The following EPHA6 variants were observed in gnomAD, a reference collection of about 807,000 sequenced individuals.
EPHA6 encodes the protein EPH receptor A6, also known as ephrin type-A receptor 6.
Under a neutral mutation model 112.0 loss-of-function variants are expected in EPHA6, and 50 were observed. The ratio of observed to expected loss-of-function variants is 0.45; its 90% CI spans 0.36 to 0.56. The LOEUF is 0.56. EPHA6 is among the 20% of genes least tolerant of loss of function. The pLI is 0.00. For missense variants in EPHA6, 1,280 were observed against 1,417.4 expected (o/e 0.90, Z 1.56); for synonymous variants, 529 against 490.7 (o/e 1.08, Z -1.03).
intron 2 of EPHA6, among the ~76,000 whole-genome samples, chr3:96,903,528 C>T (rs2038737986): frequency 6.6e-6 from 1 of 152,082 alleles, no homozygotes; most frequent in Non-Finnish European, 1.5e-5. Context: ...GTTTCTGTTA[C>T]TTTAAACTTT....
intron 11 of EPHA6, among the ~76,000 whole-genome samples, chr3:97,543,641 G>T (rs1277455373): frequency 6.6e-6 from 1 of 152,060 alleles, no homozygotes; most frequent in Non-Finnish European, 1.5e-5. Context: ...GAAAGTCGTT[G>T]GTAGCTTGAT....
chr3:97,525,427 G>A (rs1445721541), intron 10 of EPHA6, among the ~76,000 whole-genome samples: 2 of 151,990 alleles, frequency 1.3e-5, no homozygotes, highest in East Asian at 1.9e-4. Context: ...ATCTCTATTT[G>A]TTGAATTTCT....
intron 3 of EPHA6, among the ~76,000 whole-genome samples, chr3:97,010,288 A>G (rs999714260): frequency 1.3e-5 from 2 of 151,952 alleles, no homozygotes; most frequent in African/African-American, 2.4e-5. Context: ...CTGATTGCCA[A>G]CCCCAACCCA....
In EPHA6 at chr3:97,498,533, A is replaced by G. The variant is rs147763689; in HGVS notation, c.2200+14474A>G. On this transcript the variant is annotated intron_variant, in intron 10 of 17. Coordinates refer to ENST00000389672, the MANE Select transcript of EPHA6 (RefSeq NM_001080448.3). ...TTAAATTTTATTTTTAAAACAGTAAATTTGAAAGTACAATTAGTGTGAATG... is the reference window on the plus strand; with the variant it reads ...TTAAATTTTATTTTTAAAACAGTAAGTTTGAAAGTACAATTAGTGTGAATG... Among the ~76,000 whole-genome samples the G allele has an allele frequency of 6.5e-3, 996 of 152,128 alleles. 12 individuals carry two copies. The highest frequency in any genetic ancestry group is 0.022 in the African/African-American group (916 of 41,492).
chr3:97,604,855 T>A (rs1364769566), intron 12 of EPHA6, among the ~76,000 whole-genome samples: 1 of 151,664 alleles, frequency 6.6e-6, no homozygotes, highest in Admixed American at 6.6e-5. Context: ...GTAAATCTTT[T>A]GTAGGTCTGC....
chr3:97,541,272 T>A (rs550185482), intron 11 of EPHA6, among the ~76,000 whole-genome samples: 41 of 152,340 alleles, frequency 2.7e-4, no homozygotes, highest in African/African-American at 9.4e-4. Flanking sequence ...TTCATTTTGG[T>A]ATAATTTCAG....
chr3:97,402,198 T>C (rs1426666405), intron 5 of EPHA6, among the ~76,000 whole-genome samples: 1 of 152,060 alleles, frequency 6.6e-6, no homozygotes, highest in African/African-American at 2.4e-5. Context: ...TTAAATCCAA[T>C]ATTACTTTTT....
At chr3:97,551,652 C>A (rs750089486) in intron 11 of EPHA6, among the ~76,000 whole-genome samples, 4 of 152,086 alleles carry the variant, frequency 2.6e-5, no homozygotes, top group Admixed American at 2.6e-4. Context: ...ATAAATACAA[C>A]GAGCTATAGC....
At chr3:97,436,728 A>G (rs2107258137) in intron 6 of EPHA6, among the ~76,000 whole-genome samples, 1 of 152,270 alleles carries the variant, frequency 6.6e-6, no homozygotes, top group African/African-American at 2.4e-5. Context: ...TTTCTTATTT[A>G]CTTTAATTCT....
intron 12 of EPHA6, among the ~76,000 whole-genome samples, chr3:97,604,851 C>A (rs1430646643): frequency 6.6e-6 from 1 of 151,480 alleles, no homozygotes; most frequent in Non-Finnish European, 1.5e-5. Flanking sequence ...TTCAGTAAAT[C>A]TTTTGTAGGT....
intron 5 of EPHA6, among the ~76,000 whole-genome samples, chr3:97,401,900 C>T (rs1176837425): frequency 4.0e-5 from 6 of 151,874 alleles, no homozygotes; most frequent in Admixed American, 1.3e-4. Context: ...TGTGTAATTT[C>T]TTTCCTGATT....
At chr3:97,323,162 A>G (rs1030657473) in intron 5 of EPHA6, among the ~76,000 whole-genome samples, 1 of 151,938 alleles carries the variant, frequency 6.6e-6, no homozygotes, top group African/African-American at 2.4e-5. Flanking sequence ...CTCTGACAAG[A>G]TATATGTTTC....
intron 5 of EPHA6, among the ~76,000 whole-genome samples, chr3:97,271,389 C>T (rs988259944): frequency 3.3e-5 from 5 of 152,330 alleles, no homozygotes; most frequent in East Asian, 1.9e-4. Context: ...GACGGAGTCT[C>T]GCTCTGTCAC....
At chr3:97,462,434 C>A (rs1328869393) in intron 7 of EPHA6, among the ~76,000 whole-genome samples, 1 of 152,048 alleles carries the variant, frequency 6.6e-6, no homozygotes, top group Admixed American at 6.5e-5. Flanking sequence ...GGCAAAAGAC[C>A]TTTTGTAGGA....
chr3:97,478,874 A>G (rs2091450865), intron 8 of EPHA6, among the ~76,000 whole-genome samples: 5 of 149,816 alleles, frequency 3.3e-5, no homozygotes, highest in African/African-American at 1.3e-4. Context: ...TGCCTCTACC[A>G]AATTCCAAAT....
chr3:97,146,667 T>G (rs1037619219), intron 3 of EPHA6, among the ~76,000 whole-genome samples: 6 of 151,924 alleles, frequency 3.9e-5, no homozygotes, highest in Non-Finnish European at 5.9e-5. Flanking sequence ...TTTAAAAAAT[T>G]TTTCATGTTC....
At chr3:97,225,206 C>T (rs1178067415) in intron 3 of EPHA6, among the ~76,000 whole-genome samples, 3 of 152,280 alleles carry the variant, frequency 2.0e-5, no homozygotes, top group Admixed American at 6.5e-5. Flanking sequence ...CAGCCCGCCT[C>T]GGCCTCCCAA....
At chr3:97,670,938 A>C (rs1202006573) in intron 14 of EPHA6, among the ~76,000 whole-genome samples, 2 of 152,158 alleles carry the variant, frequency 1.3e-5, no homozygotes, top group African/African-American at 4.8e-5. Flanking sequence ...CGGATCTAGG[A>C]GCTGTGGAAT....
Position 97,254,323 on chromosome 3 carries a change from G to C in EPHA6, c.1606+10036G>C, listed in dbSNP as rs551216967. Among the ~76,000 whole-genome samples the C allele has an allele frequency of 2.0e-5, 3 of 152,164 alleles. No homozygotes were observed. The East Asian group carries it at 5.8e-4, about 29-fold the overall frequency. The stretch of plus-strand genomic sequence containing the variant: ...CTTGCCTTAGCCTCCCAAGTAGCTG[G>C]GACTATAGGCGCATGCCACCACGCC... On this transcript the variant is annotated intron_variant, in intron 5 of 17. Transcript: ENST00000389672.
Sources: gnomAD v4.1 joint callset for allele counts (sites outside exome capture counted in the v4.1 genomes callset) on GRCh38, gnomAD v4.1.1 for gene constraint, MANE v1.5 for transcripts, NCBI Gene and HGNC (gene_info 2026-07-23, HGNC 2026-07-21) for gene names.